The following ANK3 variants were observed in gnomAD, a reference collection of about 807,000 sequenced individuals.
ANK3 encodes ankyrin 3, also known as ankyrin-3.
ANK3 carries 57 observed loss-of-function variants against 370.9 expected under a neutral mutation model. The ratio of observed to expected loss-of-function variants is 0.15; its 90% CI spans 0.12 to 0.19. ANK3 has a LOEUF of 0.19. ANK3 is among the 10% of genes least tolerant of loss of function. ANK3 has a pLI of 1.00. For missense variants in ANK3, 4,439 were observed against 5,302.1 expected, an observed-to-expected ratio of 0.84 and a Z score of 5.06; for synonymous variants, 1,929 against 1,946.3, an observed-to-expected ratio of 0.99 and a Z score of 0.23.
chr10:60,595,880 T>C (rs1215547293), intron 2 of ANK3, among the ~76,000 whole-genome samples: 1 of 152,206 alleles, frequency 6.6e-6, no homozygotes, highest in Admixed American at 6.5e-5. Context: ...CTCACTATCA[T>C]AATTTTTGCC....
chr10:60,454,441 C>T (rs1477974826), intron 2 of ANK3, among the ~76,000 whole-genome samples: 5 of 152,148 alleles, frequency 3.3e-5, no homozygotes, highest in African/African-American at 1.2e-4. Context: ...CTCTTAGAAT[C>T]TCTCCTGTGT....
chr10:60,325,900 C>T (rs1206005709), intron 1 of ANK3, among the ~76,000 whole-genome samples: 1 of 152,150 alleles, frequency 6.6e-6, no homozygotes, highest in Non-Finnish European at 1.5e-5. Flanking sequence ...CAATGATAGA[C>T]CGAATAAAGA....
intron 2 of ANK3, among the ~76,000 whole-genome samples, chr10:60,604,392 T>C (rs751357898): frequency 3.9e-5 from 6 of 152,136 alleles, no homozygotes; most frequent in African/African-American, 7.2e-5. Context: ...ACAAATAAAG[T>C]TTCTCTGGAA....
chr10:60,462,632 T>C (rs887013752), intron 2 of ANK3, among the ~76,000 whole-genome samples: 1 of 151,890 alleles, frequency 6.6e-6, no homozygotes, highest in Non-Finnish European at 1.5e-5. Flanking sequence ...TGTTAGTTCT[T>C]TATTGGATTT....
chr10:60,620,300 T>C (rs1390671644), intron 1 of ANK3, among the ~76,000 whole-genome samples: 11 of 152,158 alleles, frequency 7.2e-5, no homozygotes, highest in African/African-American at 2.7e-4. Context: ...TATATTTGTG[T>C]GAAAATCAAG....
chr10:60,721,727 A>G (rs959156222), intron 1 of ANK3, among the ~76,000 whole-genome samples: 1 of 152,224 alleles, frequency 6.6e-6, no homozygotes, highest in African/African-American at 2.4e-5. Flanking sequence ...AAGAATCCAC[A>G]TAAATGCACA....
At chr10:60,712,409 T>C (rs1036601785) in intron 1 of ANK3, among the ~76,000 whole-genome samples, 10 of 152,306 alleles carry the variant, frequency 6.6e-5, no homozygotes, top group African/African-American at 2.2e-4. Context: ...TGTACTGGTG[T>C]GGTATTATTA....
chr10:60,287,837 T>C (rs955941340), intron 1 of ANK3, among the ~76,000 whole-genome samples: 8 of 152,162 alleles, frequency 5.3e-5, no homozygotes, highest in Admixed American at 2.0e-4. Context: ...TAGGGCTCAC[T>C]GAGCAGAGTT....
At chr10:60,607,812 A>G (rs10821800) in intron 2 of ANK3, among the ~76,000 whole-genome samples, 108,687 of 152,048 alleles carry the variant, frequency 0.71, 38,912 homozygotes, top group South Asian at 0.88. Context: ...GAGCACGCAG[A>G]TGAGTAGCCA....
chr10:60,445,042 T>C (rs2064406404), intron 2 of ANK3, among the ~76,000 whole-genome samples: 1 of 152,160 alleles, frequency 6.6e-6, no homozygotes, highest in South Asian at 2.1e-4. Context: ...TAATAAACGA[T>C]TTTGGAGTAA....
chr10:60,273,027 G>T (rs1243314310), intron 4 of ANK3, among the ~76,000 whole-genome samples: 7 of 152,098 alleles, frequency 4.6e-5, no homozygotes, highest in Non-Finnish European at 8.8e-5. Context: ...CAGGCACTGG[G>T]TTTTAAGGTA....
intron 2 of ANK3, among the ~76,000 whole-genome samples, chr10:60,540,847 C>T (rs907009156): frequency 2.0e-5 from 3 of 151,888 alleles, no homozygotes; most frequent in African/African-American, 7.2e-5. Flanking sequence ...ACAATTTGCT[C>T]ATGTAAAGGC....
chr10:60,636,493 T>C (rs117774811), intron 1 of ANK3, among the ~76,000 whole-genome samples: 4,234 of 152,318 alleles, frequency 0.028, 89 homozygotes, highest in South Asian at 0.071. Context: ...AAAATACCTA[T>C]GATTTGCTTA....
At chr10:60,604,271 T>C (rs924124750) in intron 2 of ANK3, among the ~76,000 whole-genome samples, 8 of 152,186 alleles carry the variant, frequency 5.3e-5, no homozygotes, top group Admixed American at 2.6e-4. Context: ...TGTGACATCA[T>C]CATGTTTTTA....
chr10:60,639,251 T>C (rs143754175), intron 1 of ANK3, among the ~76,000 whole-genome samples: 165 of 151,382 alleles, frequency 1.1e-3, no homozygotes, highest in African/African-American at 3.8e-3. Context: ...GAGAATTATA[T>C]AGAATTCTAT....
At chr10:60,240,306 A>ATATTTTTTTTTTTT (rs11282162) in intron 7 of ANK3, among the ~76,000 whole-genome samples, 2 of 119,754 alleles carry the variant, frequency 1.7e-5, no homozygotes, top group Non-Finnish European at 3.4e-5. Context: ...ATATATATAT[A>ATATTTTTTTTTTTT]TTTTTTTTTC....
chr10:60,337,614 G>T (rs2053309927), intron 1 of ANK3, among the ~76,000 whole-genome samples: 1 of 152,044 alleles, frequency 6.6e-6, no homozygotes, highest in African/African-American at 2.4e-5. Context: ...CACTCTCAGT[G>T]ACGTCTCTTT....
chr10:60,152,361 AG>A (rs1206460014), intron 23 of ANK3, among the ~76,000 whole-genome samples: 1 of 152,224 alleles, frequency 6.6e-6, no homozygotes, highest in African/African-American at 2.4e-5. Context: ...GGCAGAGTTT[AG>A]TAGCTGTGAC....
chr10:60,364,021 C>T (rs551515002), intron 1 of ANK3, among the ~76,000 whole-genome samples: 2 of 146,684 alleles, frequency 1.4e-5, no homozygotes, highest in African/African-American at 5.1e-5. Context: ...AGGCCGGGCT[C>T]AGTGGCTCAA....
Sources: allele counts gnomAD v4.1 joint callset (sites outside exome capture counted in the v4.1 genomes callset), GRCh38; gene constraint gnomAD v4.1.1; transcripts MANE v1.5; gene names NCBI Gene and HGNC (gene_info 2026-07-23, HGNC 2026-07-21).